The following EFCAB5 variants were observed in gnomAD, a reference collection of about 807,000 sequenced individuals.
EFCAB5 encodes the protein EF-hand calcium-binding domain-containing protein 5.
A neutral mutation model predicts 167.9 loss-of-function variants in EFCAB5; 131 were observed. The ratio of observed to expected loss-of-function variants is 0.78; its 90% CI spans 0.68 to 0.90. The LOEUF is 0.90. Among genes scored for constraint, EFCAB5 ranks in the 40% least tolerant of loss-of-function variants. The probability of loss-of-function intolerance (pLI) is 0.00; values close to 1 mark genes in which losing one functional copy is unlikely to be tolerated. For missense variants in EFCAB5, 1,663 were observed against 1,745.2 expected (o/e 0.95, Z 0.84); for synonymous variants, 574 against 602.8 (o/e 0.95, Z 0.70).
At chr17:30,096,673 A>T (rs867836405) in intron 22 of EFCAB5, among the ~76,000 whole-genome samples, 999 of 63,372 alleles carry the variant, frequency 0.016, 30 homozygotes, top group African/African-American at 0.068. Context: ...ATATATATAT[A>T]TATATTTTTT....
At chr17:30,066,674 G>T (rs1054002171) in intron 14 of EFCAB5, among the ~76,000 whole-genome samples, 1 of 151,618 alleles carries the variant, frequency 6.6e-6, no homozygotes, top group African/African-American at 2.4e-5. Flanking sequence ...AAAGATCAAA[G>T]CACAAATAAA....
chr17:30,008,989 G>A (rs2068834250), intron 7 of EFCAB5, among the ~76,000 whole-genome samples: 1 of 152,176 alleles, frequency 6.6e-6, no homozygotes, highest in Non-Finnish European at 1.5e-5. Context: ...TCTGGTGGCT[G>A]TTGGCATTCC....
At chr17:30,073,021 C>G (rs1054772250) in intron 14 of EFCAB5, 49 of 554,086 alleles carry the variant, frequency 8.8e-5, no homozygotes, top group Non-Finnish European at 1.5e-4. Context: ...TCACTCTGCA[C>G]TCTGGCTCCT....
chr17:30,080,232 A>G lies in EFCAB5; in HGVS notation c.3188A>G (p.Lys1063Arg). Residue 1063 changes from lysine (K) to arginine (R), a missense_variant, in exon 16 of 23, where the codon AAA (lysine) becomes AGA (arginine). Lys to Arg is a conservative substitution (Grantham distance 26). Coordinates refer to ENST00000394835, the MANE Select transcript of EFCAB5 (RefSeq NM_198529.4). ...AACAGAGTGCTCTACAGGGACATGA[A>G]AGGAATCAGGTAAGAACTTCTTGAA... ...VLNRVLYRDM[K>R]GISFTVVDEG... The G allele has an allele frequency of 6.3e-7, 1 of 1,584,532 alleles. No individual in the cohort carries two copies. Among genetic ancestry groups the G allele is most frequent in the Non-Finnish European group, 8.5e-7 (1 of 1,171,046 alleles).
chr17:30,084,128 C>T (rs891528230), intron 18 of EFCAB5, among the ~76,000 whole-genome samples: 3 of 152,164 alleles, frequency 2.0e-5, no homozygotes, highest in African/African-American at 4.8e-5. Flanking sequence ...CACTTCCCTC[C>T]GGGCTGCTTC....
chr17:30,028,470 G>A (rs1456130148), intron 7 of EFCAB5, among the ~76,000 whole-genome samples: 1 of 152,098 alleles, frequency 6.6e-6, no homozygotes, highest in Non-Finnish European at 1.5e-5. Context: ...ACAGCTTTTG[G>A]CGAGGTTGAG....
At chr17:30,095,235 C>T (rs775050342) in intron 22 of EFCAB5, among the ~76,000 whole-genome samples, 9 of 152,182 alleles carry the variant, frequency 5.9e-5, no homozygotes, top group South Asian at 2.1e-4. Flanking sequence ...GACCATACCT[C>T]CTCCCCTAAA....
intron 4 of EFCAB5, among the ~76,000 whole-genome samples, chr17:29,975,353 G>A (rs1383976263): frequency 2.0e-5 from 3 of 151,266 alleles, no homozygotes; most frequent in Admixed American, 1.3e-4. Flanking sequence ...TCCGCCTCCC[G>A]GCAGCGATTC....
intron 4 of EFCAB5, among the ~76,000 whole-genome samples, chr17:29,985,982 A>C (rs2068274195): frequency 6.6e-6 from 1 of 152,216 alleles, no homozygotes; most frequent in Admixed American, 6.5e-5. Flanking sequence ...ATCTGCATCT[A>C]CAGACTATAC....
At position 29,978,130 on chromosome 17, in the gene EFCAB5, C is replaced by T. The variant is rs976667966; in HGVS notation, c.767+8763C>T. On this transcript the variant is annotated intron_variant, in intron 4 of 22. Coordinates refer to ENST00000394835, the MANE Select transcript of EFCAB5 (RefSeq NM_198529.4). ...TAGACAGCTGTCTGCTCATATTCTACACCAGCTGCCACCCATTTACTGAGC... is the reference window on the plus strand; with the variant it reads ...TAGACAGCTGTCTGCTCATATTCTATACCAGCTGCCACCCATTTACTGAGC... 2.0e-5 allele frequency among the ~76,000 whole-genome samples: 3 copies of T among 152,166 alleles called. No individual in the cohort carries two copies. The East Asian group carries it at 5.8e-4, about 29-fold the overall frequency.
At position 30,092,071 on chromosome 17, in the gene EFCAB5, C is replaced by T. The variant is rs754404201; in HGVS notation, c.4138C>T (p.Arg1380Cys). The T allele has an allele frequency of 5.0e-6, 8 of 1,613,766 alleles. No homozygotes were observed. The highest frequency in any genetic ancestry group is 5.9e-6 in the Non-Finnish European group (7 of 1,179,868). ...MELEANVKLVRDILKAVILFF... is the reference protein window; with the variant it reads ...MELEANVKLVCDILKAVILFF... The stretch of plus-strand genomic sequence containing the variant: ...GTTGGAAGCCAACGTGAAACTAGTG[C>T]GTGACATCCTGAAGGCGGTTATCTT... Residue 1380 changes from arginine to cysteine, a missense_variant, in exon 21 of 23, where the codon CGT becomes TGT. Arg to Cys is a radical substitution (Grantham distance 180). Transcript: ENST00000394835.
At chr17:30,080,293 T>G (rs373859078) in intron 16 of EFCAB5, 52 bp downstream of exon 16, 12 of 1,479,378 alleles carry the variant, frequency 8.1e-6, no homozygotes, top group Middle Eastern at 1.8e-4. Context: ...AATAATTCCC[T>G]TTCTGAGTAA....
intron 3 of EFCAB5, among the ~76,000 whole-genome samples, chr17:29,953,294 AAAAAT>A (rs1266855651): frequency 6.6e-6 from 1 of 152,208 alleles, no homozygotes; most frequent in Admixed American, 6.5e-5. Flanking sequence ...TTGCCACAAA[AAAAAT>A]AAAATAAAAT....
At chr17:30,100,063 G>T (rs964423158) in intron 22 of EFCAB5, among the ~76,000 whole-genome samples, 1 of 152,040 alleles carries the variant, frequency 6.6e-6, no homozygotes, top group African/African-American at 2.4e-5. Context: ...ACCCTTTGAG[G>T]ATTCTGGGAT....
intron 7 of EFCAB5, among the ~76,000 whole-genome samples, chr17:30,018,950 T>G (rs1425710965): frequency 6.6e-6 from 1 of 152,230 alleles, no homozygotes; most frequent in Non-Finnish European, 1.5e-5. Context: ...TGTGCTTGCA[T>G]GATCCTGCCC....
In EFCAB5 at chr17:30,051,144, A is replaced by C. The variant is rs1193958609; in HGVS notation, c.1227A>C (p.Thr409=). The C allele has an allele frequency of 1.9e-6, 3 of 1,614,004 alleles. No individual in the cohort carries two copies. ...GKVGFLDRQR[T]LALLELFYDH... Reference sequence around the variant, plus strand: ...TAGGGTTTTTGGATCGGCAGAGGACATTGGCCCTGCTGGAATTGTTCTATG... The same window carrying C: ...TAGGGTTTTTGGATCGGCAGAGGACCTTGGCCCTGCTGGAATTGTTCTATG... The change falls in exon 9 of 23, where the codon ACA becomes ACC. Residue 409 remains threonine (T), a synonymous_variant. Coordinates refer to ENST00000394835, the MANE Select transcript of EFCAB5 (RefSeq NM_198529.4).
At position 29,970,220 on chromosome 17, in the gene EFCAB5, C is replaced by A. The variant is rs149985686; in HGVS notation, c.767+853C>A. Among the ~76,000 whole-genome samples, 80 of 152,122 alleles carry A rather than the reference C, an allele frequency of 5.3e-4. No homozygotes were observed. The East Asian group carries it at 0.011, about 20-fold the overall frequency. On this transcript the variant is annotated intron_variant, in intron 4 of 22. Transcript: ENST00000394835. Reference sequence around the variant, plus strand: ...TTTGCCCCACTGGTTTGGGATTGAGCCTTTATTAATAAATTCATATATATT... The same window carrying A: ...TTTGCCCCACTGGTTTGGGATTGAGACTTTATTAATAAATTCATATATATT...
At chr17:29,969,924 T>G (rs1186120876) in intron 4 of EFCAB5, among the ~76,000 whole-genome samples, 1 of 152,218 alleles carries the variant, frequency 6.6e-6, no homozygotes, top group African/African-American at 2.4e-5. Flanking sequence ...TACCCATTTT[T>G]ACCTGCCATT....
At chr17:29,980,935 T>C (rs1018566560) in intron 4 of EFCAB5, among the ~76,000 whole-genome samples, 4 of 152,216 alleles carry the variant, frequency 2.6e-5, no homozygotes, top group African/African-American at 9.7e-5. Flanking sequence ...CACTGTTCAT[T>C]TCTAGTCAGT....
Sources: allele counts gnomAD v4.1 joint callset (sites outside exome capture counted in the v4.1 genomes callset), GRCh38; gene constraint gnomAD v4.1.1; transcripts MANE v1.5; gene names NCBI Gene and HGNC (gene_info 2026-07-23, HGNC 2026-07-21).